DNAH1: variants seen among roughly 807,000 people sequenced by gnomAD.
DNAH1 encodes the protein axonemal beta dynein heavy chain 1.
DNAH1 carries 327 observed loss-of-function variants against 484.3 expected under a neutral mutation model. The ratio of observed to expected loss-of-function variants is 0.68; its 90% CI spans 0.62 to 0.74. The LOEUF (loss-of-function observed/expected upper bound fraction) is 0.74, where lower values mean the gene tolerates loss of function less well. Ranked by LOEUF, DNAH1 falls within the 30% of genes least tolerant of loss-of-function variation. The probability of loss-of-function intolerance (pLI) is 0.00; values close to 1 mark genes in which losing one functional copy is unlikely to be tolerated. For missense variants in DNAH1, 5,052 were observed against 5,546.8 expected (o/e 0.91, Z 2.83); for synonymous variants, 2,192 against 2,191.9 (o/e 1.00, Z 0.00).
chr3:52,356,067 C>T (rs760176634), intron 21 of DNAH1, among the ~76,000 whole-genome samples: 5 of 152,186 alleles, frequency 3.3e-5, no homozygotes, highest in Non-Finnish European at 5.9e-5. Flanking sequence ...TGGATGAGTG[C>T]GTGAGTTTGC....
In DNAH1 at chr3:52,379,799, A is replaced by C. The variant is rs554907337; in HGVS notation, c.7378-106A>C. ...GGCCATGGTGGGAGAGCCAGGCTCC[A>C]GTCAGGGCCCCAGGAACTGGGGCCC... On this transcript the variant is annotated intron_variant, in intron 47 of 77. Coordinates refer to ENST00000420323, the MANE Select transcript of DNAH1 (RefSeq NM_015512.5). This position sits in a 1 kb window ranked among gnomAD's most constrained non-coding sequence, Gnocchi z 4.4. The C allele has an allele frequency of 8.2e-6, 8 of 980,318 alleles. No homozygotes were observed. The South Asian group carries it at 1.4e-4, about 17-fold the overall frequency. 60.7% of individuals were successfully genotyped at this position (980,318 alleles called of 1,614,324 possible).
chr3:52,352,876 A>G (rs1400998443), intron 18 of DNAH1, among the ~76,000 whole-genome samples, 169 bp downstream of exon 18: 1 of 152,120 alleles, frequency 6.6e-6, no homozygotes, highest in African/African-American at 2.4e-5. Flanking sequence ...CCCCTAGTAC[A>G]AGGCAGGTGG....
chr3:52,333,233 G>C (rs1393311871), intron 8 of DNAH1, among the ~76,000 whole-genome samples: 1 of 152,154 alleles, frequency 6.6e-6, no homozygotes. Context: ...CAAGATCTGG[G>C]CATTAGATGT....
At position 52,353,365 on chromosome 3, in the gene DNAH1, T is replaced by C. The variant is rs755570816; in HGVS notation, c.3227-15T>C. 4 of 1,608,756 alleles carry C rather than the reference T, an allele frequency of 2.5e-6. No individual in the cohort carries two copies. The Admixed American group carries it at 6.7e-5, about 27-fold the overall frequency. On this transcript the variant is annotated splice_polypyrimidine_tract_variant and intron_variant, in intron 19 of 77. Coordinates refer to ENST00000420323, the MANE Select transcript of DNAH1 (RefSeq NM_015512.5). This position sits in a 1 kb window ranked among gnomAD's most constrained non-coding sequence, Gnocchi z 5.0. The stretch of plus-strand genomic sequence containing the variant: ...CTGCCGCCTGCCTCTCATGCGTTTC[T>C]GTCTTACCCGGCAGCCTGCCAGGAA...
chr3:52,379,957 G>A lies in DNAH1; in HGVS notation c.7430G>A (p.Arg2477Gln), dbSNP rs200350050. 65 of 1,581,938 alleles carry A rather than the reference G, an allele frequency of 4.1e-5. No homozygotes were observed. The highest frequency in any genetic ancestry group is 2.8e-4 in the South Asian group (24 of 86,134). ...TATCACGAGAACTGCCGCGTGTTCC[G>A]GGACCGACTGGTGAATGAGGAGGAC... The part of the protein sequence containing the change: ...LWYHENCRVF[R>Q]DRLVNEEDRS... Residue 2477 changes from arginine (R) to glutamine (Q), a missense_variant, in exon 48 of 78, where the codon CGG becomes CAG. This residue lies in a region of DNAH1 where 2,929 missense variants were observed against 3,409.4 expected (regional missense o/e 0.86). Transcript: ENST00000420323. The surrounding 1 kb of genome is among the most constrained non-coding windows in gnomAD (Gnocchi z 4.4).
At position 52,369,858 on chromosome 3, in the gene DNAH1, G is replaced by A. The variant is rs761406402; in HGVS notation, c.5977G>A (p.Ala1993Thr). ...MTMMFEVQDLAVASPATVSRC... is the reference protein window; with the variant it reads ...MTMMFEVQDLTVASPATVSRC... Reference sequence around the variant, plus strand: ...CATGATGTTCGAGGTGCAAGACCTGGCGGTGGCTTCACCAGCTACAGTCTC... The same window carrying A: ...CATGATGTTCGAGGTGCAAGACCTGACGGTGGCTTCACCAGCTACAGTCTC... Residue 1993 changes from alanine (A) to threonine (T), a missense_variant, in exon 38 of 78, where the codon GCG becomes ACG. By Grantham distance (58) the Ala-to-Thr change is moderately conservative. Transcript: ENST00000420323. 2 of 1,612,792 alleles carry A rather than the reference G, an allele frequency of 1.2e-6. No individual in the cohort carries two copies. The highest frequency in any genetic ancestry group is 3.3e-5 in the Admixed American group (2 of 59,994).
rs1303122490 is a variant in DNAH1 at position 52,366,524 on chromosome 3, G to A, written c.5586G>A (p.Gly1862=). Residue 1862 remains glycine (G), a synonymous_variant, in exon 35 of 78, where the codon GGG becomes GGA. Transcript: ENST00000420323. ...TACGACACGGCCTCATGCTCGTCGGGCCCACAGGCTCCGGCAAGAGTACTG... is the reference window on the plus strand; with the variant it reads ...TACGACACGGCCTCATGCTCGTCGGACCCACAGGCTCCGGCAAGAGTACTG... The part of the protein sequence containing the change: ...TVVRHGLMLV[G]PTGSGKSTCY... 1 of 1,599,930 alleles carries A rather than the reference G, an allele frequency of 6.3e-7. No individual in the cohort carries two copies. The highest frequency in any genetic ancestry group is 8.5e-7 in the Non-Finnish European group (1 of 1,173,722).
chr3:52,329,992 T>A (rs563743875), intron 6 of DNAH1, among the ~76,000 whole-genome samples: 1 of 152,318 alleles, frequency 6.6e-6, no homozygotes, highest in South Asian at 2.1e-4. Flanking sequence ...TGTATTTTTG[T>A]AGAGACGGGA....
intron 50 of DNAH1, among the ~76,000 whole-genome samples, chr3:52,382,946 C>T (rs1404801411): frequency 6.6e-6 from 1 of 152,224 alleles, no homozygotes; most frequent in Non-Finnish European, 1.5e-5. Context: ...AGACAAAGGC[C>T]CCTCTGCTCC....
At chr3:52,386,442 C>G (rs1041602608) in intron 55 of DNAH1, 97 bp downstream of exon 55, 3 of 1,426,092 alleles carry the variant, frequency 2.1e-6, no homozygotes, top group African/African-American at 2.9e-5. Context: ...CCTGCCCCAC[C>G]CTCCTCATTC....
intron 14 of DNAH1, 56 bp from the exon 15 acceptor site, chr3:52,349,933 G>C: frequency 6.4e-7 from 1 of 1,551,170 alleles, no homozygotes; most frequent in Non-Finnish European, 8.7e-7. Flanking sequence ...AAGAGCAGGT[G>C]AGGGAAGGCA....
At chr3:52,370,362 T>C (rs1703281719) in intron 39 of DNAH1, 115 bp from the exon 40 acceptor site, 1 of 1,553,246 alleles carries the variant, frequency 6.4e-7, no homozygotes, top group Admixed American at 1.8e-5. Context: ...CCTGTCCAAT[T>C]GGCTGTAGAG....
Position 52,346,698 on chromosome 3 carries a change from A to G in DNAH1, c.1883A>G (p.Asp628Gly). The change falls in exon 11 of 78, where the codon GAC becomes GGC. Residue 628 changes from aspartate to glycine, a missense_variant. Around this residue, in one of 4 missense-constraint regions of DNAH1, gnomAD observed 1,263 missense variants for 1,218.8 expected, o/e 1.04. Coordinates refer to ENST00000420323, the MANE Select transcript of DNAH1 (RefSeq NM_015512.5). Reference protein sequence around the residue: ...SLASFSQFISDTCCSVLNCTD... With the variant: ...SLASFSQFISGTCCSVLNCTD... ...GCCAGCTTCTCACAGTTCATCAGCGACACCTGTTGCAGCGTGCTCAACTGC... is the reference window on the plus strand; with the variant it reads ...GCCAGCTTCTCACAGTTCATCAGCGGCACCTGTTGCAGCGTGCTCAACTGC... 6.2e-7 allele frequency: 1 copy of G among 1,613,994 alleles called. No individual in the cohort carries two copies. Among genetic ancestry groups the G allele is most frequent in the Non-Finnish European group, 8.5e-7 (1 of 1,179,886 alleles).
At chr3:52,382,280 C>T in intron 49 of DNAH1, 40 bp from the exon 50 acceptor site, 5 of 1,613,838 alleles carry the variant, frequency 3.1e-6, no homozygotes, top group Non-Finnish European at 4.2e-6. Flanking sequence ...CGTCTGGCCC[C>T]AAGTCCCTGG....
rs779054079 is a variant in DNAH1 at position 52,326,726 on chromosome 3, C to G, written c.582-9C>G. The G allele has an allele frequency of 1.3e-6, 2 of 1,597,522 alleles. No homozygotes were observed. The highest frequency in any genetic ancestry group is 1.7e-5 in the Admixed American group (1 of 58,828). The stretch of plus-strand genomic sequence containing the variant: ...GCCATCCTGAGGTCCCCTCCCTGCC[C>G]TTGACCAGGAGGAAACAGCAGTACC... On this transcript the variant is annotated splice_polypyrimidine_tract_variant and intron_variant, in intron 4 of 77. Transcript: ENST00000420323.
At chr3:52,380,244 AGGGGGCCAGGACGC>A in intron 48 of DNAH1, 109 bp downstream of exon 48, 2 of 978,194 alleles carry the variant, frequency 2.0e-6, no homozygotes, top group South Asian at 3.3e-5. Flanking sequence ...CACTATAACC[AGGGGGCCAGGACGC>A]GGGGTAAGAC....
In DNAH1 at chr3:52,353,641, G is replaced by A. The variant is rs751262370; in HGVS notation, c.3480+8G>A. 7 of 1,566,876 alleles carry A rather than the reference G, an allele frequency of 4.5e-6. No homozygotes were observed. In the South Asian group the frequency reaches 5.9e-5, roughly 13 times the overall value. On this transcript the variant is annotated splice_region_variant and intron_variant, in intron 20 of 77. Transcript: ENST00000420323. The surrounding 1 kb of genome is among the most constrained non-coding windows in gnomAD (Gnocchi z 5.0). ...GAGTACGCCATCGAGCAGGTGGGTA[G>A]CCACCAGCGGGCCCAGCCACTCCAG...
intron 36 of DNAH1, among the ~76,000 whole-genome samples, chr3:52,367,251 TAGG>T (rs1051956436): frequency 2.0e-5 from 3 of 152,118 alleles, no homozygotes; most frequent in African/African-American, 7.2e-5. Context: ...TGCACTGAGA[TAGG>T]AGAAGGGCAG....
At position 52,398,959 on chromosome 3, in the gene DNAH1, T is replaced by C. The variant is rs1034773715; in HGVS notation, c.12199T>C (p.Tyr4067His). 5.6e-6 allele frequency: 9 copies of C among 1,613,818 alleles called. No individual in the cohort carries two copies. The highest frequency in any genetic ancestry group is 7.6e-6 in the Non-Finnish European group (9 of 1,179,752). Reference protein sequence around the residue: ...SQLELMAASLYNNTVPELWSA... With the variant: ...SQLELMAASLHNNTVPELWSA... ...GCTGGAGCTGATGGCTGCCAGCCTG[T>C]ACAACAATACTGTGCCTGAGCTCTG... Residue 4067 changes from tyrosine (Y) to histidine (H), a missense_variant, in exon 76 of 78, where the codon TAC becomes CAC. Physicochemically the swap from Tyr to His is moderately conservative, Grantham distance 83. Coordinates refer to ENST00000420323, the MANE Select transcript of DNAH1 (RefSeq NM_015512.5).
Sources: allele counts gnomAD v4.1 joint callset (sites outside exome capture counted in the v4.1 genomes callset), GRCh38; gene constraint gnomAD v4.1.1; regional missense constraint gnomAD v4.1.1; non-coding constraint Gnocchi (gnomAD v3.1); transcripts MANE v1.5; gene names NCBI Gene and HGNC (gene_info 2026-07-23, HGNC 2026-07-21).